Variants in UBA1 observed in about 807,000 individuals in gnomAD.
UBA1 encodes ubiquitin-like modifier-activating enzyme 1.
In UBA1, 4 loss-of-function variants were observed where a neutral mutation model predicts 84.7. The ratio of observed to expected loss-of-function variants is 0.05; its 90% confidence interval spans 0.02 to 0.11. The LOEUF is 0.11. UBA1 is among the 10% of genes least tolerant of loss of function. The pLI, the probability that UBA1 is intolerant of heterozygous loss-of-function variation, is 1.00. For missense variants in UBA1, 513 were observed against 902.8 expected (o/e 0.57, Z 5.53); for synonymous variants, 364 against 362.6 (o/e 1.00, Z -0.04).
Position 47,197,853 on chromosome X carries a change from C to T in UBA1, c.1-950C>T, listed in dbSNP as rs1936258285. ...CGTCCCTGAGTGAATTTTTTTCCAT[C>T]ACTTTAAAGTTGGGGGTATTATTGA... On this transcript the variant is annotated intron_variant, in intron 1 of 25. Coordinates refer to ENST00000335972, the MANE Select transcript of UBA1 (RefSeq NM_003334.4). 2 of 584,658 alleles carry T rather than the reference C, an allele frequency of 3.4e-6. 1 individual carries two copies. Among genetic ancestry groups the T allele is most frequent in the Admixed American group, 1.6e-4 (2 of 12,591 alleles). The allele number at this position is 584,658 out of a possible 1,213,427, so 48.2% of individuals were successfully genotyped here.
At chrX:47,209,395 CCA>C in intron 16 of UBA1, 1 of 505,048 alleles carries the variant, frequency 2.0e-6, no homozygotes, top group South Asian at 2.6e-5. Flanking sequence ...CTCAGGTGAT[CCA>C]TCTGCCTTAG....
chrX:47,202,048 A>C (rs1936435238), intron 8 of UBA1, 108 bp from the exon 9 acceptor site: 4 of 644,989 alleles, frequency 6.2e-6, no homozygotes, highest in Non-Finnish European at 1.0e-5. Context: ...GAGGGAAGAC[A>C]GCTTCTGATG....
intron 8 of UBA1, 52 bp downstream of exon 8, chrX:47,201,662 G>A (rs1556788123): frequency 8.4e-7 from 1 of 1,187,404 alleles, no homozygotes. Flanking sequence ...TATGTTCCTG[G>A]GTTCTGGCCG....
intron 16 of UBA1, among the ~76,000 whole-genome samples, chrX:47,207,322 GGAA>G (rs1273462443): frequency 3.6e-5 from 4 of 111,536 alleles, no homozygotes; most frequent in South Asian, 7.6e-4. Flanking sequence ...GGGCCACATT[GGAA>G]GAAGAATTGT....
At chrX:47,197,362 T>G (rs1225984729) in intron 1 of UBA1, 1 of 753,945 alleles carries the variant, frequency 1.3e-6, no homozygotes, top group Non-Finnish European at 1.6e-6. Flanking sequence ...CCTTTCCTCT[T>G]TGATTGACAC....
chrX:47,205,466 G>A (rs1556790433), intron 14 of UBA1: 2 of 344,264 alleles, frequency 5.8e-6, no homozygotes. Flanking sequence ...TCATCATCCT[G>A]GCCATGTGGC....
intron 16 of UBA1, among the ~76,000 whole-genome samples, chrX:47,208,134 G>A (rs1288715834): frequency 8.9e-6 from 1 of 112,570 alleles, no homozygotes; most frequent in Non-Finnish European, 1.9e-5. Context: ...AACTGTCCTA[G>A]GAATTCTCAG....
chrX:47,191,508 G>A (rs1312114107), upstream of UBA1: 3 of 111,718 alleles, frequency 2.7e-5, no homozygotes, highest in Admixed American at 1.9e-4. Flanking sequence ...GGACACCGGA[G>A]CCCAGCTCTT....
chrX:47,214,219 T>C, intron 23 of UBA1, 108 bp from the exon 24 acceptor site: 2 of 670,987 alleles, frequency 3.0e-6, no homozygotes, highest in Non-Finnish European at 4.9e-6. Context: ...CAAAAGAGGG[T>C]TGTGATCTGA....
chrX:47,201,189 C>G, intron 6 of UBA1, 87 bp from the exon 7 acceptor site: 1 of 918,095 alleles, frequency 1.1e-6, no homozygotes, highest in Non-Finnish European at 1.6e-6. Context: ...TGAGTTTGCT[C>G]AGCAAGTTTT....
chrX:47,200,756 T>G (rs1289084874), intron 5 of UBA1, 138 bp from the exon 6 acceptor site: 4 of 496,594 alleles, frequency 8.1e-6, no homozygotes, highest in African/African-American at 2.3e-5. Flanking sequence ...ACACAGTAGG[T>G]GCTATGTGTT....
intron 1 of UBA1, among the ~76,000 whole-genome samples, chrX:47,194,348 A>G (rs782729487): frequency 1.1e-3 from 122 of 112,226 alleles, no homozygotes; most frequent in Admixed American, 2.6e-3. Context: ...CCAGTCTCCA[A>G]TAGAGATTTA....
intron 11 of UBA1, 32 bp downstream of exon 11, chrX:47,202,846 G>A: frequency 8.3e-7 from 1 of 1,201,486 alleles, no homozygotes; most frequent in East Asian, 3.0e-5. Flanking sequence ...CAGGATTGGG[G>A]TGGGCCAGGT....
chrX:47,200,831 C>T lies in UBA1; in HGVS notation c.481-63C>T, dbSNP rs1936382174. The T allele has an allele frequency of 3.1e-6, 3 of 961,371 alleles. 1 individual carries two copies. The Admixed American group carries it at 7.8e-5, about 25-fold the overall frequency. 79.2% of individuals were successfully genotyped at this position (961,371 alleles called of 1,213,427 possible). On this transcript the variant is annotated intron_variant, in intron 5 of 25. Coordinates refer to ENST00000335972, the MANE Select transcript of UBA1 (RefSeq NM_003334.4). ...CCTTGAGGACTGCCTGAGTCCTCCA[C>T]ACCAGCCCTCCATTTTTTCCCCTTC...
At chrX:47,197,106 G>A in intron 1 of UBA1, 9 of 754,426 alleles carry the variant, frequency 1.2e-5, no homozygotes, top group Non-Finnish European at 1.4e-5. Flanking sequence ...ACCCAGGTTG[G>A]CTCTTAGCAT....
chrX:47,213,489 C>G, intron 23 of UBA1, among the ~76,000 whole-genome samples: 1 of 112,240 alleles, frequency 8.9e-6, no homozygotes, highest in Non-Finnish European at 1.9e-5. Context: ...TATTGAGCAC[C>G]TTTTGTGTGC....
intron 23 of UBA1, 132 bp downstream of exon 23, chrX:47,213,313 A>C: frequency 1.5e-6 from 1 of 666,491 alleles, no homozygotes; most frequent in Non-Finnish European, 2.2e-6. Flanking sequence ...ATCCTTTTTC[A>C]CTTATTCATT....
At chrX:47,212,372 C>T (rs1311713473) in intron 20 of UBA1, 52 bp from the exon 21 acceptor site, 10 of 981,037 alleles carry the variant, frequency 1.0e-5, no homozygotes, top group Non-Finnish European at 1.4e-5. Flanking sequence ...ATTTCCATCT[C>T]AGACCTTAGC....
chrX:47,194,759 T>A (rs1156511403), intron 1 of UBA1, among the ~76,000 whole-genome samples: 1 of 111,935 alleles, frequency 8.9e-6, no homozygotes, highest in African/African-American at 3.3e-5. Context: ...CTTGAGAGAC[T>A]CTTCAATTCC....
Sources: gnomAD v4.1 joint callset for allele counts (sites outside exome capture counted in the v4.1 genomes callset) on GRCh38, gnomAD v4.1.1 for gene constraint, MANE v1.5 for transcripts, NCBI Gene and HGNC (gene_info 2026-07-23, HGNC 2026-07-21) for gene names.